VPS72: variants seen among roughly 807,000 people sequenced by gnomAD.
VPS72 encodes the protein vacuolar protein sorting 72 homolog.
VPS72 carries 27 observed loss-of-function variants against 38.9 expected under a neutral mutation model. The ratio of observed to expected loss-of-function variants is 0.69; its 90% CI spans 0.51 to 0.96. VPS72 has a LOEUF of 0.96. Ranked by LOEUF, VPS72 falls within the 40% of genes least tolerant of loss-of-function variation. VPS72 has a pLI of 0.00. For missense variants in VPS72, 360 were observed against 479.5 expected (o/e 0.75, Z 2.33); for synonymous variants, 173 against 186.3 (o/e 0.93, Z 0.58).
chr1:151,190,192 A>C lies in VPS72; in HGVS notation c.-71T>G. 4 of 1,542,222 alleles carry C rather than the reference A, an allele frequency of 2.6e-6. No individual in the cohort carries two copies. The highest frequency in any genetic ancestry group is 3.6e-6 in the Non-Finnish European group (4 of 1,124,874). ...CGGTTTTGGGAGCTCGACGCTCGACATCACTACCTGCGGGTGGCCACCAGC... is the reference window on the plus strand; with the variant it reads ...CGGTTTTGGGAGCTCGACGCTCGACCTCACTACCTGCGGGTGGCCACCAGC... On this transcript the variant is annotated 5_prime_UTR_variant, in exon 1 of 6. An upstream start codon of the reference 5' UTR is lost. Coordinates refer to ENST00000368892, the MANE Select transcript of VPS72 (RefSeq NM_005997.3).
intron 4 of VPS72, among the ~76,000 whole-genome samples, chr1:151,180,199 A>G (rs12753084): frequency 6.6e-6 from 1 of 150,562 alleles, no homozygotes; most frequent in Admixed American, 6.6e-5. Flanking sequence ...TGCACCTGTA[A>G]TCTCAGCTAC....
chr1:151,187,267 A>G (rs1684373944), intron 1 of VPS72, among the ~76,000 whole-genome samples: 2 of 152,136 alleles, frequency 1.3e-5, no homozygotes, highest in Admixed American at 1.3e-4. Context: ...GACACCTCAC[A>G]TATGTGGTTC....
At chr1:151,177,449 A>C (rs1188157913) in intron 5 of VPS72, among the ~76,000 whole-genome samples, 2 of 151,862 alleles carry the variant, frequency 1.3e-5, no homozygotes, top group African/African-American at 4.8e-5. Flanking sequence ...AAAGAGAAAA[A>C]GGAGGCAGGG....
At chr1:151,185,478 G>A in intron 3 of VPS72, 28 bp downstream of exon 3, 1 of 1,593,864 alleles carries the variant, frequency 6.3e-7, no homozygotes. Flanking sequence ...TTCCAATTTT[G>A]CCAATTGACC....
chr1:151,179,268 ACT>A (rs989432124), intron 4 of VPS72, among the ~76,000 whole-genome samples: 11 of 151,092 alleles, frequency 7.3e-5, no homozygotes, highest in Admixed American at 6.0e-4. Context: ...TAAGAGCGAA[ACT>A]CTGTCTCAAA....
chr1:151,188,427 T>C (rs1684397383), intron 1 of VPS72, among the ~76,000 whole-genome samples: 1 of 152,154 alleles, frequency 6.6e-6, no homozygotes, highest in East Asian at 1.9e-4. Context: ...CATTACAGAG[T>C]AAGTAACCTT....
chr1:151,176,516 G>T lies in VPS72; in HGVS notation c.*128C>A. The T allele has an allele frequency of 7.0e-7, 1 of 1,424,262 alleles. No individual in the cohort carries two copies. The allele number at this position is 1,424,262 out of a possible 1,614,324, so 88.2% of individuals were successfully genotyped here. ...ACACAACGAAACCTGTAAGAACTAG[G>T]GGAAAAGGAAAAAGAAACAGATTAG... is the stretch of plus-strand genomic sequence containing the variant. On this transcript the variant is annotated 3_prime_UTR_variant, in exon 6 of 6. Coordinates refer to ENST00000368892, the MANE Select transcript of VPS72 (RefSeq NM_005997.3).
intron 4 of VPS72, among the ~76,000 whole-genome samples, chr1:151,181,687 T>C (rs973378476): frequency 2.0e-5 from 3 of 152,166 alleles, no homozygotes; most frequent in African/African-American, 7.2e-5. Context: ...GGAACCACCA[T>C]AAATTCATGG....
chr1:151,183,042 A>G (rs1296467095), intron 4 of VPS72, among the ~76,000 whole-genome samples: 1 of 152,172 alleles, frequency 6.6e-6, no homozygotes, highest in African/African-American at 2.4e-5. Context: ...CAAACTCCTT[A>G]AATTCAACAT....
intron 5 of VPS72, among the ~76,000 whole-genome samples, chr1:151,177,782 G>A (rs1199519062): frequency 6.6e-6 from 1 of 151,690 alleles, no homozygotes; most frequent in Non-Finnish European, 1.5e-5. Context: ...GGTGGAGGTT[G>A]CAGTGAGCCG....
At chr1:151,188,470 T>A (rs587607666) in intron 1 of VPS72, among the ~76,000 whole-genome samples, 1 of 152,380 alleles carries the variant, frequency 6.6e-6, no homozygotes, top group African/African-American at 2.4e-5. Flanking sequence ...GGAATTCTGA[T>A]GACTCTTCTC....
At chr1:151,178,296 G>C in intron 4 of VPS72, 151 bp from the exon 5 acceptor site, 5 of 1,049,210 alleles carry the variant, frequency 4.8e-6, no homozygotes, top group African/African-American at 1.6e-5. Flanking sequence ...AAGGCCGTCT[G>C]GCACCTCCCA....
chr1:151,188,046 GTTT>G (rs756901934), intron 1 of VPS72, among the ~76,000 whole-genome samples: 1 of 142,596 alleles, frequency 7.0e-6, no homozygotes, highest in Admixed American at 7.0e-5. Flanking sequence ...AGTGATGTGG[GTTT>G]TTTTTTTTTT....
chr1:151,176,530 G>T lies in VPS72; in HGVS notation c.*114C>A. ...GTAAGAACTAGGGGAAAAGGAAAAA[G>T]AAACAGATTAGGCAAAGATCAGAGA... On this transcript the variant is annotated 3_prime_UTR_variant, in exon 6 of 6. Transcript: ENST00000368892. 6.8e-7 allele frequency: 1 copy of T among 1,473,890 alleles called. No individual in the cohort carries two copies. 91.3% of individuals were successfully genotyped at this position (1,473,890 alleles called of 1,614,324 possible). A position where few individuals can be genotyped will look rare whatever the true frequency, so the allele number is the denominator to read the frequency against.
chr1:151,185,793 T>G lies in VPS72; in HGVS notation c.270+5A>C. 1.2e-6 allele frequency: 2 copies of G among 1,614,154 alleles called. No individual in the cohort carries two copies. Among genetic ancestry groups the G allele is most frequent in the Non-Finnish European group, 1.7e-6 (2 of 1,180,018 alleles). ...AATCCAAGACAACTAGGACTCCCCCTGTACCTTATAGGCCTTGGTGACTAC... is the reference window on the plus strand; with the variant it reads ...AATCCAAGACAACTAGGACTCCCCCGGTACCTTATAGGCCTTGGTGACTAC... On this transcript the variant is annotated splice_donor_5th_base_variant and intron_variant, in intron 2 of 5. Transcript: ENST00000368892.
intron 3 of VPS72, 87 bp from the exon 4 acceptor site, chr1:151,184,580 AT>A (rs966822975): frequency 1.3e-4 from 173 of 1,336,064 alleles, no homozygotes; most frequent in Admixed American, 3.2e-4. Context: ...CTTGGAAATA[AT>A]TTTTTTTTCT....
chr1:151,178,671 T>C (rs1684170271), intron 4 of VPS72, among the ~76,000 whole-genome samples: 1 of 152,104 alleles, frequency 6.6e-6, no homozygotes, highest in Admixed American at 6.6e-5. Flanking sequence ...TATTTAAATA[T>C]AGAGATTTCT....
intron 4 of VPS72, among the ~76,000 whole-genome samples, chr1:151,181,169 A>G (rs969177900): frequency 6.6e-6 from 1 of 151,866 alleles, no homozygotes; most frequent in East Asian, 1.9e-4. Context: ...CGAAGTGCAC[A>G]TGGGTAGCCC....
rs1684098784 is a variant in VPS72 at position 151,176,431 on chromosome 1, C to G, written c.*213G>C. 1 of 733,104 alleles carries G rather than the reference C, an allele frequency of 1.4e-6. No homozygotes were observed. The highest frequency in any genetic ancestry group is 3.2e-5 in the Admixed American group (1 of 31,708). 45.4% of individuals were successfully genotyped at this position (733,104 alleles called of 1,614,324 possible). A position where few individuals can be genotyped will look rare whatever the true frequency, so the allele number is the denominator to read the frequency against. On this transcript the variant is annotated 3_prime_UTR_variant, in exon 6 of 6. Transcript: ENST00000368892. ...TATGCAGGTATTCAAATACTTCTTG[C>G]TCCCAACCCTAGACTGGACACCAGA...
Sources: gnomAD v4.1 joint callset for allele counts (sites outside exome capture counted in the v4.1 genomes callset) on GRCh38, gnomAD v4.1.1 for gene constraint, MANE v1.5 for transcripts, NCBI Gene and HGNC (gene_info 2026-07-23, HGNC 2026-07-21) for gene names.